CCDC150: variants seen among roughly 807,000 people sequenced by gnomAD.
CCDC150 encodes coiled-coil domain containing 150.
CCDC150 carries 151 observed loss-of-function variants against 156.5 expected under a neutral mutation model. The ratio of observed to expected loss-of-function variants is 0.97; its 90% CI spans 0.85 to 1.10. CCDC150 has a LOEUF of 1.10. Ranked by LOEUF, CCDC150 falls within the 50% of genes least tolerant of loss-of-function variation. CCDC150 has a pLI of 0.00. For synonymous variants in CCDC150, 452 were observed against 429.4 expected (o/e 1.05, Z -0.65); for missense variants, 1,312 against 1,268.1 (o/e 1.03, Z -0.53).
chr2:196,708,150 T>C (rs961795681), intron 15 of CCDC150, among the ~76,000 whole-genome samples: 1 of 152,206 alleles, frequency 6.6e-6, no homozygotes, highest in African/African-American at 2.4e-5. Flanking sequence ...TAAGTCTCTT[T>C]AAAGGTCTCT....
chr2:196,695,250 GT>G (rs1479680777), intron 14 of CCDC150, 91 bp downstream of exon 14: 1 of 612,132 alleles, frequency 1.6e-6, no homozygotes, highest in African/African-American at 1.9e-5. Context: ...GGTTTTCTTT[GT>G]GTTTTCATAA....
chr2:196,640,000 A>T (rs562731323), intron 1 of CCDC150, among the ~76,000 whole-genome samples: 1 of 152,262 alleles, frequency 6.6e-6, no homozygotes, highest in East Asian at 1.9e-4. Flanking sequence ...CAGCTGAGGG[A>T]TGGGAGATAG....
intron 14 of CCDC150, among the ~76,000 whole-genome samples, chr2:196,698,650 A>G (rs776056556): frequency 6.6e-6 from 1 of 152,320 alleles, no homozygotes; most frequent in Non-Finnish European, 1.5e-5. Context: ...GCACACTGAG[A>G]CATCTTAATT....
intron 15 of CCDC150, among the ~76,000 whole-genome samples, chr2:196,708,929 G>A (rs141458727): frequency 7.2e-5 from 11 of 152,036 alleles, no homozygotes; most frequent in Admixed American, 1.3e-4. Context: ...TCTGGCTGCC[G>A]TTAACATTTT....
At chr2:196,640,098 G>A (rs1692122285) in intron 1 of CCDC150, among the ~76,000 whole-genome samples, 1 of 152,156 alleles carries the variant, frequency 6.6e-6, no homozygotes, top group Non-Finnish European at 1.5e-5. Context: ...CTATTTCGGC[G>A]TTAATGTTTG....
chr2:196,718,693 T>G (rs1313398825), intron 18 of CCDC150, 62 bp downstream of exon 18: 7 of 1,566,802 alleles, frequency 4.5e-6, no homozygotes, highest in Non-Finnish European at 6.1e-6. Flanking sequence ...AAATCTTTCA[T>G]GAGCCATATG....
Position 196,689,844 on chromosome 2 carries a change from T to C in CCDC150, c.1510-5202T>C, listed in dbSNP as rs565504432. 1.2e-3 allele frequency among the ~76,000 whole-genome samples: 178 copies of C among 152,200 alleles called. 1 individual carries two copies. Among genetic ancestry groups the C allele is most frequent in the East Asian group, 3.9e-3 (20 of 5,174 alleles). On this transcript the variant is annotated intron_variant, in intron 13 of 27. Transcript: ENST00000389175. ...GTGCCAGTTTTCAAAGGGAATGCTT[T>C]CAGTTTTTGCCCATTCAGTATGATA...
In CCDC150 at chr2:196,732,080, T is replaced by C. The variant is rs1437080032; in HGVS notation, c.3117T>C (p.Phe1039=). 1 of 1,612,950 alleles carries C rather than the reference T, an allele frequency of 6.2e-7. No homozygotes were observed. Among genetic ancestry groups the C allele is most frequent in the Non-Finnish European group, 8.5e-7 (1 of 1,179,054 alleles). ...EEAHRWFKHR[F]DGLQLELTKN... Reference sequence around the variant, plus strand: ...CTCATCGCTGGTTTAAGCACAGGTTTGATGGTCTACAACTTGAGCTGACAA... The same window carrying C: ...CTCATCGCTGGTTTAAGCACAGGTTCGATGGTCTACAACTTGAGCTGACAA... Residue 1039 remains phenylalanine, a synonymous_variant, in exon 27 of 28, where the codon TTT becomes TTC. Transcript: ENST00000389175.
chr2:196,677,317 G>C lies in CCDC150; in HGVS notation c.1465G>C (p.Val489Leu). The C allele has an allele frequency of 6.4e-7, 1 of 1,570,286 alleles. No individual in the cohort carries two copies. The highest frequency in any genetic ancestry group is 1.7e-4 in the Middle Eastern group (1 of 6,002). Residue 489 changes from valine to leucine, a missense_variant, in exon 13 of 28, where the codon GTG becomes CTG. Transcript: ENST00000389175. Reference protein sequence around the residue: ...REVNKTEKEIVQERCNLEKEL... With the variant: ...REVNKTEKEILQERCNLEKEL... Reference sequence around the variant, plus strand: ...GGTTAATAAAACAGAAAAAGAAATAGTGCAAGAAAGATGCAATTTGGAAAA... The same window carrying C: ...GGTTAATAAAACAGAAAAAGAAATACTGCAAGAAAGATGCAATTTGGAAAA...
intron 13 of CCDC150, among the ~76,000 whole-genome samples, chr2:196,683,638 G>A (rs1268136314): frequency 6.6e-6 from 1 of 151,910 alleles, no homozygotes; most frequent in African/African-American, 2.4e-5. Flanking sequence ...ATCTGGTTCT[G>A]GGCTTTCTTG....
chr2:196,692,869 T>TA (rs987428249), intron 13 of CCDC150, among the ~76,000 whole-genome samples: 15 of 152,206 alleles, frequency 9.9e-5, no homozygotes, highest in African/African-American at 3.6e-4. Context: ...AGATCCTGAA[T>TA]ATCTTTGTTC....
At chr2:196,715,714 A>G (rs1481718540) in intron 17 of CCDC150, among the ~76,000 whole-genome samples, 1 of 152,212 alleles carries the variant, frequency 6.6e-6, no homozygotes, top group Non-Finnish European at 1.5e-5. Flanking sequence ...AAAAATTAAA[A>G]TGGATCATAG....
Position 196,639,793 on chromosome 2 carries a change from C to A in CCDC150, c.12+15C>A. On this transcript the variant is annotated intron_variant, in intron 1 of 27. Transcript: ENST00000389175. ...TGGACTGTAAGGTGAGGCTGCCGGGCCCCGGGCTGGTGAGGGGTGGTCGGA... is the reference window on the plus strand; with the variant it reads ...TGGACTGTAAGGTGAGGCTGCCGGGACCCGGGCTGGTGAGGGGTGGTCGGA... The A allele has an allele frequency of 6.4e-7, 1 of 1,574,714 alleles. No homozygotes were observed.
chr2:196,685,285 G>A (rs2125632875), intron 13 of CCDC150, among the ~76,000 whole-genome samples: 1 of 152,114 alleles, frequency 6.6e-6, no homozygotes, highest in Admixed American at 6.6e-5. Flanking sequence ...TACCTTTACT[G>A]TTACCTTTTA....
chr2:196,685,711 A>G (rs953032443), intron 13 of CCDC150, among the ~76,000 whole-genome samples: 4 of 151,502 alleles, frequency 2.6e-5, no homozygotes, highest in African/African-American at 7.3e-5. Context: ...TCCCGGGTTC[A>G]TGCCATTCTC....
chr2:196,683,975 A>G (rs989861859), intron 13 of CCDC150, among the ~76,000 whole-genome samples: 4 of 151,318 alleles, frequency 2.6e-5, no homozygotes, highest in Admixed American at 6.6e-5. Flanking sequence ...GTTTTTATAG[A>G]TTTTTCTCTA....
intron 17 of CCDC150, among the ~76,000 whole-genome samples, chr2:196,717,484 G>T (rs1559271396): frequency 6.6e-6 from 1 of 152,072 alleles, no homozygotes; most frequent in Non-Finnish European, 1.5e-5. Context: ...TGAAAAAAAT[G>T]GCAAAAATTG....
intron 15 of CCDC150, among the ~76,000 whole-genome samples, chr2:196,707,341 A>G (rs1227084601): frequency 1.3e-5 from 2 of 152,014 alleles, no homozygotes; most frequent in Admixed American, 6.6e-5. Context: ...TTTCTGTGGG[A>G]TAGGTAGTGA....
At chr2:196,710,093 G>T (rs1389209535) in intron 15 of CCDC150, among the ~76,000 whole-genome samples, 1 of 152,242 alleles carries the variant, frequency 6.6e-6, no homozygotes, top group Non-Finnish European at 1.5e-5. Flanking sequence ...GCTGCCTTTT[G>T]TTCAGCTATG....
Sources: gnomAD v4.1 joint callset for allele counts (sites outside exome capture counted in the v4.1 genomes callset) on GRCh38, gnomAD v4.1.1 for gene constraint, MANE v1.5 for transcripts, NCBI Gene and HGNC (gene_info 2026-07-23, HGNC 2026-07-21) for gene names.